Variants in CSTPP1 observed in about 807,000 individuals in gnomAD.
The protein encoded by CSTPP1 is centriolar satellite-associated tubulin polyglutamylase complex regulator 1.
chr11:46,976,557 G>A, the CSTPP1 span, among the ~76,000 whole-genome samples: 1 of 152,124 alleles, frequency 6.6e-6, no homozygotes, highest in Non-Finnish European at 1.5e-5. Context: ...AATTTCCTCT[G>A]CTATAAAATA....
chr11:46,997,742 G>A, the CSTPP1 span, among the ~76,000 whole-genome samples: 1 of 152,186 alleles, frequency 6.6e-6, no homozygotes, highest in Admixed American at 6.5e-5. Context: ...GGGTTTTGGT[G>A]TGGATGCCCT....
At chr11:46,985,056 T>G in the CSTPP1 span, among the ~76,000 whole-genome samples, 2 of 152,130 alleles carry the variant, frequency 1.3e-5, no homozygotes, top group South Asian at 4.2e-4. Context: ...AACTGTTGAG[T>G]TGAGGCACTG....
At chr11:47,108,745 C>T in the CSTPP1 span, among the ~76,000 whole-genome samples, 3 of 135,100 alleles carry the variant, frequency 2.2e-5, no homozygotes, top group Admixed American at 1.7e-4. Flanking sequence ...CTCACTGCGT[C>T]GCCCAGGCTG....
chr11:47,125,615 T>C, the CSTPP1 span, among the ~76,000 whole-genome samples: 3 of 152,248 alleles, frequency 2.0e-5, no homozygotes, highest in African/African-American at 7.2e-5. Context: ...TAATAACTTT[T>C]ATTCATTTTT....
At chr11:46,952,317 T>C in the CSTPP1 span, among the ~76,000 whole-genome samples, 1 of 152,340 alleles carries the variant, frequency 6.6e-6, no homozygotes, top group Admixed American at 6.5e-5. Context: ...AAGGACCTTT[T>C]AGGCAAGTGA....
the CSTPP1 span, among the ~76,000 whole-genome samples, chr11:47,131,505 A>T: frequency 6.6e-6 from 1 of 152,248 alleles, no homozygotes; most frequent in Non-Finnish European, 1.5e-5. Context: ...TAATTTTCTT[A>T]GCTAAAGTAA....
At chr11:47,028,501 T>G in the CSTPP1 span, among the ~76,000 whole-genome samples, 1 of 152,174 alleles carries the variant, frequency 6.6e-6, no homozygotes, top group Non-Finnish European at 1.5e-5. Flanking sequence ...TTAGAAATAC[T>G]GTAGTTCTAA....
At chr11:47,122,081 A>ATATATATATAT in the CSTPP1 span, among the ~76,000 whole-genome samples, 1 of 91,176 alleles carries the variant, frequency 1.1e-5, no homozygotes, top group Non-Finnish European at 2.4e-5. Context: ...AAAAAAAAAA[A>ATATATATATAT]AAAAAAAAAA....
chr11:47,164,093 G>T, the CSTPP1 span: 1 of 1,608,100 alleles, frequency 6.2e-7, no homozygotes, highest in South Asian at 1.1e-5. Flanking sequence ...CGTGCCACAG[G>T]GTGGTGAGGT....
the CSTPP1 span, among the ~76,000 whole-genome samples, chr11:47,022,489 C>T: frequency 0.017 from 2,505 of 150,044 alleles, 23 homozygotes; most frequent in Middle Eastern, 0.031. Context: ...CCTGCCTCAG[C>T]CTCCCAAGTA....
At chr11:47,043,530 C>T in the CSTPP1 span, among the ~76,000 whole-genome samples, 1 of 152,182 alleles carries the variant, frequency 6.6e-6, no homozygotes, top group East Asian at 1.9e-4. Flanking sequence ...AGACCTGGTT[C>T]TGGACTAGGG....
At chr11:46,973,759 G>C in the CSTPP1 span, among the ~76,000 whole-genome samples, 1 of 148,482 alleles carries the variant, frequency 6.7e-6, no homozygotes, top group East Asian at 1.9e-4. Flanking sequence ...CATGAACCCA[G>C]GTATGTATAC....
the CSTPP1 span, among the ~76,000 whole-genome samples, chr11:47,024,493 TTCAA>T: frequency 6.6e-6 from 1 of 152,148 alleles, no homozygotes; most frequent in South Asian, 2.1e-4. Flanking sequence ...CTTTGTAATT[TTCAA>T]TCAATCACAA....
the CSTPP1 span, among the ~76,000 whole-genome samples, chr11:46,938,149 C>T: frequency 6.6e-6 from 1 of 152,120 alleles, no homozygotes. Flanking sequence ...GTTGGGATTA[C>T]AGGCGTGAGC....
At chr11:46,950,905 C>G in the CSTPP1 span, among the ~76,000 whole-genome samples, 150,987 of 152,342 alleles carry the variant, frequency 0.99, 74,835 homozygotes, top group East Asian at 1. Context: ...GGGATTACAG[C>G]CATGAGCCAC....
chr11:47,051,674 G>C, the CSTPP1 span, among the ~76,000 whole-genome samples: 1 of 150,832 alleles, frequency 6.6e-6, no homozygotes, highest in Non-Finnish European at 1.5e-5. Context: ...GGAGAGTACA[G>C]AAATAATATC....
chr11:47,140,113 C>T, the CSTPP1 span, among the ~76,000 whole-genome samples: 1 of 152,184 alleles, frequency 6.6e-6, no homozygotes, highest in Non-Finnish European at 1.5e-5. Flanking sequence ...CCTACTTTTG[C>T]TGGTCATGTG....
At chr11:47,130,759 G>GA in the CSTPP1 span, 1 of 152,368 alleles carries the variant, frequency 6.6e-6, no homozygotes, top group Non-Finnish European at 1.5e-5. Flanking sequence ...TGGAAGGGGT[G>GA]GTGTGGTCAT....
At chr11:47,117,714 C>T in the CSTPP1 span, among the ~76,000 whole-genome samples, 1 of 152,116 alleles carries the variant, frequency 6.6e-6, no homozygotes, top group Non-Finnish European at 1.5e-5. Context: ...GGATAACATC[C>T]TGCAGAGTGT....
Sources: allele counts gnomAD v4.1 joint callset (sites outside exome capture counted in the v4.1 genomes callset), GRCh38; gene constraint gnomAD v4.1.1; transcripts MANE v1.5; gene names NCBI Gene and HGNC (gene_info 2026-07-23, HGNC 2026-07-21).